Variants in PTPN5 observed in about 807,000 individuals in gnomAD.
The protein encoded by PTPN5 is tyrosine-protein phosphatase non-receptor type 5.
A neutral mutation model predicts 73.9 loss-of-function variants in PTPN5; 29 were observed. That is an observed-to-expected ratio of 0.39 (90% confidence interval 0.29 to 0.54). PTPN5 has a LOEUF of 0.54. PTPN5 is among the 20% of genes least tolerant of loss of function. The pLI, the probability that PTPN5 is intolerant of heterozygous loss-of-function variation, is 0.65. For missense variants in PTPN5, 652 were observed against 751.4 expected (o/e 0.87, Z 1.55); for synonymous variants, 267 against 304.7 (o/e 0.88, Z 1.29).
intron 2 of PTPN5, among the ~76,000 whole-genome samples, chr11:18,771,057 C>T (rs1850871600): frequency 6.6e-6 from 1 of 152,170 alleles, no homozygotes; most frequent in African/African-American, 2.4e-5. Flanking sequence ...ATCAGGGAGC[C>T]TGAGCCTGCT....
At chr11:18,791,904 G>T (rs1157418845), upstream of PTPN5, 1 of 152,210 alleles carries the variant, frequency 6.6e-6, no homozygotes, top group Admixed American at 6.5e-5. Context: ...CTGGCGGGGC[G>T]GGGGACCGGG....
intron 8 of PTPN5, 134 bp downstream of exon 8, chr11:18,740,468 GT>G: frequency 1.3e-6 from 1 of 750,142 alleles, no homozygotes. Flanking sequence ...GCCCAAGATG[GT>G]GGGAGAGCTG....
intron 2 of PTPN5, among the ~76,000 whole-genome samples, chr11:18,770,869 A>G (rs1428672436): frequency 6.6e-6 from 1 of 152,212 alleles, no homozygotes. Context: ...CAGAAGATAC[A>G]GAACAGCTGC....
At chr11:18,770,626 C>A (rs73428477) in intron 2 of PTPN5, among the ~76,000 whole-genome samples, 1 of 152,204 alleles carries the variant, frequency 6.6e-6, no homozygotes, top group Non-Finnish European at 1.5e-5. Flanking sequence ...TTTCCACTCT[C>A]CTCCCATCAC....
intron 3 of PTPN5, among the ~76,000 whole-genome samples, chr11:18,748,724 T>C (rs572085281): frequency 6.6e-6 from 1 of 152,316 alleles, no homozygotes; most frequent in African/African-American, 2.4e-5. Context: ...ACTCTGGTTT[T>C]AGTCTCTGCT....
At chr11:18,784,902 G>T (rs1482980825) in intron 1 of PTPN5, among the ~76,000 whole-genome samples, 2 of 151,914 alleles carry the variant, frequency 1.3e-5, no homozygotes, top group African/African-American at 4.8e-5. Flanking sequence ...CACCCAGGCT[G>T]GAGTGCAGCG....
intron 3 of PTPN5, among the ~76,000 whole-genome samples, chr11:18,756,485 C>T (rs1758757328): frequency 6.6e-6 from 1 of 151,746 alleles, no homozygotes. Context: ...TCAGTAGAGA[C>T]AGGGTTTTAC....
intron 3 of PTPN5, among the ~76,000 whole-genome samples, chr11:18,746,323 C>G (rs1438581055): frequency 6.6e-6 from 1 of 151,354 alleles, no homozygotes; most frequent in East Asian, 1.9e-4. Flanking sequence ...TCCGGAGTAG[C>G]TGGTATCGCA....
At chr11:18,789,172 C>A (rs536733146) in intron 1 of PTPN5, among the ~76,000 whole-genome samples, 2 of 152,184 alleles carry the variant, frequency 1.3e-5, no homozygotes, top group East Asian at 3.9e-4. Flanking sequence ...AGCTGGAGTC[C>A]TAGTGGAATT....
intron 3 of PTPN5, among the ~76,000 whole-genome samples, chr11:18,760,146 G>A (rs149405773): frequency 1.3e-5 from 2 of 152,304 alleles, no homozygotes; most frequent in African/African-American, 2.4e-5. Flanking sequence ...TGTATCACCA[G>A]TGCCTGGCAA....
Position 18,743,552 on chromosome 11 carries a change from A to G in PTPN5, c.292-123T>C. On this transcript the variant is annotated intron_variant, in intron 4 of 14. Transcript: ENST00000358540. Reference sequence around the variant, plus strand: ...AGGCTCCTGAACCTCTAAGGTCCAGACCGGGCAGCTGAGAGCAGGGCCCCG... The same window carrying G: ...AGGCTCCTGAACCTCTAAGGTCCAGGCCGGGCAGCTGAGAGCAGGGCCCCG... The G allele has an allele frequency of 1.3e-5, 11 of 875,720 alleles. 1 individual carries two copies. In the South Asian group the frequency reaches 1.6e-4, roughly 13 times the overall value. 54.2% of individuals were successfully genotyped at this position (875,720 alleles called of 1,614,324 possible). A position where few individuals can be genotyped will look rare whatever the true frequency, so the allele number is the denominator to read the frequency against.
chr11:18,775,535 A>T (rs1851107138), intron 1 of PTPN5, among the ~76,000 whole-genome samples: 1 of 152,174 alleles, frequency 6.6e-6, no homozygotes, highest in African/African-American at 2.4e-5. Context: ...ACTTGAAGCA[A>T]CAGCCCAGGA....
At chr11:18,734,391 C>T (rs900074698) in intron 9 of PTPN5, among the ~76,000 whole-genome samples, 5 of 152,158 alleles carry the variant, frequency 3.3e-5, no homozygotes, top group Admixed American at 2.6e-4. Context: ...GATTATGGCT[C>T]GCTGCCGCCT....
chr11:18,754,577 G>A (rs1341228803), intron 3 of PTPN5, among the ~76,000 whole-genome samples: 2 of 152,140 alleles, frequency 1.3e-5, no homozygotes, highest in Non-Finnish European at 2.9e-5. Context: ...CCCAAAGGGT[G>A]GTGACTCAAC....
chr11:18,777,894 A>G (rs1445028484), intron 1 of PTPN5, among the ~76,000 whole-genome samples: 1 of 152,040 alleles, frequency 6.6e-6, no homozygotes, highest in Non-Finnish European at 1.5e-5. Context: ...GCAGTGAGCT[A>G]TGATCGCACC....
At position 18,728,635 on chromosome 11, in the gene PTPN5, A is replaced by C; in HGVS notation, c.*299T>G. On this transcript the variant is annotated 3_prime_UTR_variant, in exon 15 of 15. Transcript: ENST00000358540. This position sits in a 1 kb window ranked among gnomAD's most constrained non-coding sequence, Gnocchi z 4.1. Reference sequence around the variant, plus strand: ...GTGTAGCACGGAAACATTCTGGATCAGGTATTGATGGAACCATCGTTAAAA... The same window carrying C: ...GTGTAGCACGGAAACATTCTGGATCCGGTATTGATGGAACCATCGTTAAAA... 3.0e-6 allele frequency: 1 copy of C among 329,428 alleles called. No individual in the cohort carries two copies. The highest frequency in any genetic ancestry group is 5.6e-6 in the Non-Finnish European group (1 of 179,606). 20.4% of individuals were successfully genotyped at this position (329,428 alleles called of 1,614,324 possible).
rs567332468 is a variant in PTPN5 at position 18,752,268 on chromosome 11, G to T, written c.98-8069C>A. 3.0e-4 allele frequency among the ~76,000 whole-genome samples: 45 copies of T among 152,320 alleles called. 1 individual carries two copies. In the South Asian group the frequency reaches 9.1e-3, roughly 31 times the overall value. The stretch of plus-strand genomic sequence containing the variant: ...ATAAACTTGCCTCATAGGACTTAGA[G>T]GATGCTGTGAATTAAAACATGCAAA... On this transcript the variant is annotated intron_variant, in intron 3 of 14. Coordinates refer to ENST00000358540, the MANE Select transcript of PTPN5 (RefSeq NM_006906.2).
Position 18,742,850 on chromosome 11 carries a change from G to A in PTPN5, c.483+142C>T. On this transcript the variant is annotated intron_variant, in intron 6 of 14. Transcript: ENST00000358540. This position sits in a 1 kb window ranked among gnomAD's most constrained non-coding sequence, Gnocchi z 4.1. ...AAGAAGGAGGCTCTTGCCCCAGGCT[G>A]GCACACTTGTGCAAAGAGATAGGTA... The A allele has an allele frequency of 1.4e-6, 1 of 691,032 alleles. No homozygotes were observed. Among genetic ancestry groups the A allele is most frequent in the African/African-American group, 1.8e-5 (1 of 55,426 alleles). The allele number at this position is 691,032 out of a possible 1,614,324, so 42.8% of individuals were successfully genotyped here. A position where few individuals can be genotyped will look rare whatever the true frequency, so the allele number is the denominator to read the frequency against.
chr11:18,744,225 G>A (rs764008740), intron 3 of PTPN5, 26 bp from the exon 4 acceptor site: 19 of 1,500,474 alleles, frequency 1.3e-5, no homozygotes, highest in South Asian at 1.1e-4. Context: ...CATGCGGGCC[G>A]ATGACTCCGG....
Sources: allele counts gnomAD v4.1 joint callset (sites outside exome capture counted in the v4.1 genomes callset), GRCh38; gene constraint gnomAD v4.1.1; non-coding constraint Gnocchi (gnomAD v3.1); transcripts MANE v1.5; gene names NCBI Gene and HGNC (gene_info 2026-07-23, HGNC 2026-07-21).